The following LARGE1 variants were observed in gnomAD, a reference collection of about 807,000 sequenced individuals.
LARGE1 encodes LARGE xylosyl- and glucuronyltransferase 1, also known as xylosyl- and glucuronyltransferase LARGE1.
LARGE1 carries 43 observed loss-of-function variants against 87.6 expected under a neutral mutation model. That is an observed-to-expected ratio of 0.49 (90% CI 0.38 to 0.63). The LOEUF (loss-of-function observed/expected upper bound fraction) is 0.63. Ranked by LOEUF, LARGE1 falls within the 30% of genes least tolerant of loss-of-function variation. The pLI is 0.00. For synonymous variants in LARGE1, 434 were observed against 394.6 expected, an observed-to-expected ratio of 1.10 and a Z score of -1.18; for missense variants, 802 against 1,000.2, an observed-to-expected ratio of 0.80 and a Z score of 2.67.
At chr22:33,289,751 C>G (rs564484401) in intron 12 of LARGE1, among the ~76,000 whole-genome samples, 1 of 152,112 alleles carries the variant, frequency 6.6e-6, no homozygotes, top group Admixed American at 6.6e-5. Context: ...GTAAATTCAC[C>G]TTTTCCAGCG....
chr22:33,583,912 A>T (rs548954429), intron 5 of LARGE1, among the ~76,000 whole-genome samples: 55 of 152,342 alleles, frequency 3.6e-4, no homozygotes, highest in Middle Eastern at 3.4e-3. Context: ...TTTAATCAAA[A>T]TGTGGACATA....
intron 2 of LARGE1, among the ~76,000 whole-genome samples, chr22:33,664,862 A>AAAC (rs935227535): frequency 1.3e-5 from 2 of 152,182 alleles, no homozygotes; most frequent in African/African-American, 4.8e-5. Flanking sequence ...CATCTTAAAA[A>AAAC]AACAACAACA....
rs1927739536 is a variant in LARGE1, at chr22:33,263,170, G to A, written c.1730+41059C>T. 2.6e-5 allele frequency among the ~76,000 whole-genome samples: 4 copies of A among 152,260 alleles called. No individual in the cohort carries two copies. The South Asian group carries it at 8.3e-4, about 32-fold the overall frequency. On this transcript the variant is annotated intron_variant, in intron 11 of 11. Transcript: ENST00000608642. ...AGCCTCCCAAAGTGCCGGGATTACA[G>A]ACATGAGCCACTGTGCCCGGCCGAC...
chr22:33,847,394 A>G (rs2063465653), intron 1 of LARGE1, among the ~76,000 whole-genome samples: 2 of 152,176 alleles, frequency 1.3e-5, no homozygotes, highest in South Asian at 4.1e-4. Flanking sequence ...TCACAGTTTT[A>G]CCCAAACTGC....
chr22:33,666,587 T>C (rs1454655722), intron 2 of LARGE1, among the ~76,000 whole-genome samples: 1 of 151,968 alleles, frequency 6.6e-6, no homozygotes, highest in Non-Finnish European at 1.5e-5. Flanking sequence ...GATGCACACA[T>C]GATAATAAAA....
intron 6 of LARGE1, among the ~76,000 whole-genome samples, chr22:33,535,978 A>C (rs1382180930): frequency 6.6e-6 from 1 of 152,178 alleles, no homozygotes; most frequent in African/African-American, 2.4e-5. Context: ...TCATGTGTTC[A>C]AGTTGCCATG....
chr22:33,302,241 G>T (rs1390910974), intron 12 of LARGE1, among the ~76,000 whole-genome samples: 1 of 152,248 alleles, frequency 6.6e-6, no homozygotes, highest in Non-Finnish European at 1.5e-5. Flanking sequence ...CTAAGACCCA[G>T]CAGGCACTGG....
chr22:33,748,125 A>G (rs1235675594), intron 2 of LARGE1, among the ~76,000 whole-genome samples: 1 of 145,678 alleles, frequency 6.9e-6, no homozygotes, highest in African/African-American at 2.6e-5. Flanking sequence ...CTTCCTATCA[A>G]TGCAGGTTTG....
At chr22:33,860,007 C>CA (rs1003102178) in intron 1 of LARGE1, among the ~76,000 whole-genome samples, 5 of 152,166 alleles carry the variant, frequency 3.3e-5, no homozygotes, top group African/African-American at 1.2e-4. Flanking sequence ...TGCACAATTT[C>CA]AGTTCTGCAA....
chr22:33,590,212 CA>C (rs2078795765), intron 5 of LARGE1, among the ~76,000 whole-genome samples: 1 of 152,094 alleles, frequency 6.6e-6, no homozygotes, highest in African/African-American at 2.4e-5. Flanking sequence ...TTAAACTTAC[CA>C]ATTTAAAATT....
At position 33,384,248 on chromosome 22, in the gene LARGE1, T is replaced by C; in HGVS notation, c.949A>G (p.Arg317Gly). Reference protein sequence around the residue: ...LRKMKWEQMWRLTAERELMGM... With the variant: ...LRKMKWEQMWGLTAERELMGM... ...ATGAGCTCCCTCTCTGCGGTCAGCC[T>C]CCACATCTGCTCCCATTTCATCTTC... Residue 317 changes from arginine (R) to glycine (G), a missense_variant, in exon 8 of 15, where the codon AGG becomes GGG. Physicochemically the swap from Arg to Gly is moderately radical, Grantham distance 125. Coordinates refer to ENST00000397394, the MANE Select transcript of LARGE1 (RefSeq NM_133642.5). 6 of 1,614,092 alleles carry C rather than the reference T, an allele frequency of 3.7e-6. No homozygotes were observed. The highest frequency in any genetic ancestry group is 5.1e-6 in the Non-Finnish European group (6 of 1,180,028).
At chr22:33,660,794 A>G (rs2081099748) in intron 2 of LARGE1, among the ~76,000 whole-genome samples, 1 of 152,226 alleles carries the variant, frequency 6.6e-6, no homozygotes, top group Non-Finnish European at 1.5e-5. Flanking sequence ...CAGAAATACT[A>G]TAGAATTTCT....
intron 12 of LARGE1, among the ~76,000 whole-genome samples, chr22:33,290,236 C>A (rs1488126219): frequency 1.3e-5 from 2 of 152,090 alleles, no homozygotes; most frequent in Non-Finnish European, 2.9e-5. Context: ...ACCAGGGAAA[C>A]AGCCCAGGTT....
intron 4 of LARGE1, among the ~76,000 whole-genome samples, chr22:33,618,913 C>A (rs2079658219): frequency 6.6e-6 from 1 of 152,196 alleles, no homozygotes; most frequent in African/African-American, 2.4e-5. Context: ...ATCATGCCCA[C>A]CTTTGTGTGG....
chr22:33,439,041 G>A (rs1008757130), intron 6 of LARGE1, among the ~76,000 whole-genome samples: 15 of 151,876 alleles, frequency 9.9e-5, no homozygotes, highest in African/African-American at 2.4e-4. Flanking sequence ...TGAAACCCCC[G>A]CCTCTACTAA....
chr22:33,337,548 C>A (rs1938607957), intron 10 of LARGE1, 98 bp downstream of exon 10: 2 of 1,445,584 alleles, frequency 1.4e-6, no homozygotes, highest in Non-Finnish European at 1.9e-6. Context: ...TCACCTAGGT[C>A]CTGCCATGAG....
At chr22:33,634,846 C>CG (rs1199585804) in intron 3 of LARGE1, among the ~76,000 whole-genome samples, 2 of 24,678 alleles carry the variant, frequency 8.1e-5, no homozygotes, top group African/African-American at 3.5e-4. Context: ...CTAAGAATCC[C>CG]GGGCCAAGCA....
chr22:33,332,350 G>A (rs1462893449), intron 10 of LARGE1, among the ~76,000 whole-genome samples: 1 of 152,170 alleles, frequency 6.6e-6, no homozygotes, highest in Non-Finnish European at 1.5e-5. Flanking sequence ...CACTGTGTAA[G>A]ACGTCCCTTG....
chr22:33,713,987 A>ATAACG (rs1446618334), intron 2 of LARGE1, among the ~76,000 whole-genome samples: 14 of 120,360 alleles, frequency 1.2e-4, no homozygotes, highest in Admixed American at 1.0e-3. Context: ...ATAACGTAAC[A>ATAACG]TAACATAACA....
Sources: gnomAD v4.1 joint callset for allele counts (sites outside exome capture counted in the v4.1 genomes callset) on GRCh38, gnomAD v4.1.1 for gene constraint, MANE v1.5 for transcripts, NCBI Gene and HGNC (gene_info 2026-07-23, HGNC 2026-07-21) for gene names.